The following GNA14 variants were observed in gnomAD, a reference collection of about 807,000 sequenced individuals.
GNA14 encodes G protein subunit alpha 14.
In GNA14, 50 loss-of-function variants were observed where a neutral mutation model predicts 42.0. The ratio of observed to expected loss-of-function variants is 1.19; its 90% CI spans 0.95 to 1.51. The LOEUF (loss-of-function observed/expected upper bound fraction) is 1.51, where lower values mean the gene tolerates loss of function less well. Ranked by LOEUF, GNA14 falls within the 40% of genes most tolerant of loss-of-function variation. The pLI, the probability that GNA14 is intolerant of heterozygous loss-of-function variation, is 0.00. For missense variants in GNA14, 473 were observed against 446.2 expected, an observed-to-expected ratio of 1.06 and a Z score of -0.54; for synonymous variants, 173 against 163.1, an observed-to-expected ratio of 1.06 and a Z score of -0.46.
At chr9:77,444,385 T>C (rs1408068856) in intron 2 of GNA14, among the ~76,000 whole-genome samples, 1 of 152,222 alleles carries the variant, frequency 6.6e-6, no homozygotes, top group Non-Finnish European at 1.5e-5. Flanking sequence ...CTCCACATCC[T>C]GGGGCAGGCA....
At chr9:77,425,837 C>G (rs1835446806) in intron 5 of GNA14, 122 bp from the exon 6 acceptor site, 3 of 763,038 alleles carry the variant, frequency 3.9e-6, no homozygotes. Flanking sequence ...CCACTGTCTG[C>G]TGAAGCTGGT....
intron 1 of GNA14, among the ~76,000 whole-genome samples, chr9:77,536,363 T>A (rs147149711): frequency 0.026 from 3,910 of 152,290 alleles, 180 homozygotes; most frequent in African/African-American, 0.087. Context: ...TGTGTGTGTG[T>A]GAGAGAGACA....
chr9:77,632,721 C>T (rs909190175), intron 1 of GNA14, among the ~76,000 whole-genome samples: 1 of 152,190 alleles, frequency 6.6e-6, no homozygotes, highest in Non-Finnish European at 1.5e-5. Context: ...CGCAGCCTCA[C>T]AGAGAGCCGG....
At chr9:77,451,621 A>G (rs767425522) in intron 2 of GNA14, among the ~76,000 whole-genome samples, 3 of 152,152 alleles carry the variant, frequency 2.0e-5, no homozygotes, top group Non-Finnish European at 2.9e-5. Context: ...TCCCCAAAAG[A>G]TAATATTGCC....
chr9:77,472,567 C>T (rs1836350105), intron 2 of GNA14, among the ~76,000 whole-genome samples: 1 of 152,084 alleles, frequency 6.6e-6, no homozygotes, highest in Non-Finnish European at 1.5e-5. Flanking sequence ...AATAAATAAG[C>T]TCAGCAAAGA....
chr9:77,441,336 C>T (rs1249714143), intron 2 of GNA14, among the ~76,000 whole-genome samples: 3 of 152,072 alleles, frequency 2.0e-5, no homozygotes, highest in East Asian at 3.9e-4. Context: ...TCTTCACATG[C>T]GCACACTTTC....
chr9:77,514,398 C>T (rs1192601515), intron 2 of GNA14, among the ~76,000 whole-genome samples: 2 of 152,066 alleles, frequency 1.3e-5, no homozygotes, highest in South Asian at 2.1e-4. Flanking sequence ...ATTGACTTCA[C>T]GTTTATTGAG....
At chr9:77,546,363 C>T (rs944134645) in intron 1 of GNA14, among the ~76,000 whole-genome samples, 12 of 152,038 alleles carry the variant, frequency 7.9e-5, no homozygotes, top group Non-Finnish European at 1.3e-4. Flanking sequence ...AATCTCCTCT[C>T]GGTGTCCAAA....
chr9:77,427,724 A>G (rs941228118), intron 5 of GNA14, among the ~76,000 whole-genome samples: 19 of 152,178 alleles, frequency 1.2e-4, no homozygotes, highest in Admixed American at 9.2e-4. Context: ...AGCCAGTGCT[A>G]TGGCCACTCT....
intron 1 of GNA14, among the ~76,000 whole-genome samples, chr9:77,558,831 T>C (rs1034356675): frequency 6.6e-6 from 1 of 152,050 alleles, no homozygotes; most frequent in Non-Finnish European, 1.5e-5. Context: ...CTTTGTTTAC[T>C]TCCGTATTCT....
intron 2 of GNA14, among the ~76,000 whole-genome samples, chr9:77,508,156 C>A (rs1388708051): frequency 6.6e-6 from 1 of 152,214 alleles, no homozygotes; most frequent in Non-Finnish European, 1.5e-5. Flanking sequence ...ACTGCAGTCA[C>A]TACTTCCACC....
intron 1 of GNA14, among the ~76,000 whole-genome samples, chr9:77,541,970 T>C (rs879882638): frequency 8.5e-5 from 13 of 152,202 alleles, no homozygotes; most frequent in African/African-American, 1.4e-4. Flanking sequence ...TTTTTCAGAA[T>C]TCTCTTGTAT....
At chr9:77,530,542 T>C (rs1837511239) in intron 1 of GNA14, among the ~76,000 whole-genome samples, 1 of 152,230 alleles carries the variant, frequency 6.6e-6, no homozygotes, top group Admixed American at 6.5e-5. Flanking sequence ...ATCATCTTCA[T>C]TTTACAGATA....
intron 2 of GNA14, chr9:77,526,832 C>T (rs1837446981): frequency 6.6e-6 from 1 of 152,086 alleles, no homozygotes; most frequent in Non-Finnish European, 1.5e-5. Flanking sequence ...ACGGAGATGG[C>T]CTAGACAAAA....
At chr9:77,444,036 T>C (rs1020304706) in intron 2 of GNA14, among the ~76,000 whole-genome samples, 3 of 152,162 alleles carry the variant, frequency 2.0e-5, no homozygotes, top group African/African-American at 7.2e-5. Flanking sequence ...CAAAGGCTCC[T>C]ATGATAAAAT....
intron 1 of GNA14, among the ~76,000 whole-genome samples, chr9:77,561,024 A>G (rs1432210591): frequency 6.6e-6 from 1 of 152,226 alleles, no homozygotes; most frequent in East Asian, 1.9e-4. Flanking sequence ...TCTTGGCCAT[A>G]ATCATAATTC....
At chr9:77,469,410 G>T (rs974841040) in intron 2 of GNA14, among the ~76,000 whole-genome samples, 10 of 138,500 alleles carry the variant, frequency 7.2e-5, no homozygotes, top group Non-Finnish European at 1.2e-4. Context: ...ACAAATTAAT[G>T]TAAGAATCAA....
intron 2 of GNA14, among the ~76,000 whole-genome samples, chr9:77,514,662 A>G (rs369990786): frequency 5.4e-4 from 78 of 145,606 alleles, no homozygotes; most frequent in Non-Finnish European, 6.9e-4. Flanking sequence ...CCCCCAGGCT[A>G]GAGTGCAGTG....
At chr9:77,492,194 A>G (rs1002069325) in intron 2 of GNA14, among the ~76,000 whole-genome samples, 2 of 152,136 alleles carry the variant, frequency 1.3e-5, no homozygotes, top group Non-Finnish European at 2.9e-5. Flanking sequence ...ATAAATGACT[A>G]TATTAAAAAA....
Sources: allele counts gnomAD v4.1 joint callset (sites outside exome capture counted in the v4.1 genomes callset), GRCh38; gene constraint gnomAD v4.1.1; transcripts MANE v1.5; gene names NCBI Gene and HGNC (gene_info 2026-07-23, HGNC 2026-07-21).